Variants in ACAA2 observed in about 807,000 individuals in gnomAD.
ACAA2 encodes the protein acetyl-CoA acyltransferase 2.
In ACAA2, 35 loss-of-function variants were observed where a neutral mutation model predicts 44.8. The observed-to-expected ratio is 0.78, with a 90% confidence interval of 0.60 to 1.04. The LOEUF (loss-of-function observed/expected upper bound fraction) is 1.04, where lower values mean the gene tolerates loss of function less well. Ranked by LOEUF, ACAA2 falls within the 50% of genes least tolerant of loss-of-function variation. The pLI is 0.00. For synonymous variants in ACAA2, 142 were observed against 166.5 expected (o/e 0.85, Z 1.13); for missense variants, 468 against 482.6 (o/e 0.97, Z 0.28).
At chr18:49,800,890 TAAAAAAAAAAA>T (rs5824805) in intron 2 of ACAA2, among the ~76,000 whole-genome samples, 2 of 121,126 alleles carry the variant, frequency 1.7e-5, no homozygotes, top group African/African-American at 3.1e-5. Flanking sequence ...GAATGATCAA[TAAAAAAAAAAA>T]AAAAAAAATC....
intron 1 of ACAA2, among the ~76,000 whole-genome samples, chr18:49,809,655 A>G (rs2023647461): frequency 6.6e-6 from 1 of 152,276 alleles, no homozygotes; most frequent in Non-Finnish European, 1.5e-5. Context: ...TTCCAACTAC[A>G]TGATATCTGG....
Position 49,797,502 on chromosome 18 carries a change from A to G in ACAA2, c.276T>C (p.Cys92=), listed in dbSNP as rs755433635. The change falls in exon 3 of 10, where the codon TGT becomes TGC. Residue 92 remains cysteine, a synonymous_variant. Coordinates refer to ENST00000285093, the MANE Select transcript of ACAA2 (RefSeq NM_006111.3). The stretch of plus-strand genomic sequence containing the variant: ...TCACAATGGACTGAAAACCAGAACC[A>G]CAGAGCCTATTAATCGTGAGAGCTG... ...ETPALTINRL[C]GSGFQSIVNG... 1.2e-6 allele frequency: 2 copies of G among 1,611,918 alleles called. No homozygotes were observed. The highest frequency in any genetic ancestry group is 2.2e-5 in the South Asian group (2 of 90,948).
In ACAA2 at chr18:49,783,669, T is replaced by C. The variant is rs2143941337; in HGVS notation, c.*178A>G. 1 of 560,496 alleles carries C rather than the reference T, an allele frequency of 1.8e-6. No homozygotes were observed. The highest frequency in any genetic ancestry group is 3.3e-6 in the Non-Finnish European group (1 of 304,638). 34.7% of individuals were successfully genotyped at this position (560,496 alleles called of 1,614,324 possible). ...GTTCAAATCTGAGAGAATGTACTTC[T>C]AGCATGGGCTCCTATTCATGATCAA... On this transcript the variant is annotated 3_prime_UTR_variant, in exon 10 of 10. Coordinates refer to ENST00000285093, the MANE Select transcript of ACAA2 (RefSeq NM_006111.3).
intron 1 of ACAA2, among the ~76,000 whole-genome samples, chr18:49,807,295 T>C (rs2023619343): frequency 6.6e-6 from 1 of 152,156 alleles, no homozygotes. Context: ...TTCAGGAGGC[T>C]GAGTTCAAGG....
intron 1 of ACAA2, among the ~76,000 whole-genome samples, chr18:49,810,491 T>C (rs1051136133): frequency 3.3e-5 from 5 of 151,990 alleles, no homozygotes; most frequent in Admixed American, 2.0e-4. Context: ...GTGCTAGTAG[T>C]GAAATATGCA....
chr18:49,813,518 T>A lies in ACAA2; in HGVS notation c.-34A>T. 8.1e-7 allele frequency: 1 copy of A among 1,238,374 alleles called. No individual in the cohort carries two copies. The highest frequency in any genetic ancestry group is 4.2e-5 in the Admixed American group (1 of 23,708). The allele number at this position is 1,238,374 out of a possible 1,614,324, so 76.7% of individuals were successfully genotyped here. ...CTGGGTCGTCGGCGGCGCGGGTCTG[T>A]GGTGTGGGGGACGCTGAGCGGCCGC... On this transcript the variant is annotated 5_prime_UTR_variant, in exon 1 of 10. Coordinates refer to ENST00000285093, the MANE Select transcript of ACAA2 (RefSeq NM_006111.3).
At chr18:49,792,402 T>C in intron 5 of ACAA2, 75 bp from the exon 6 acceptor site, 1 of 1,290,534 alleles carries the variant, frequency 7.7e-7, no homozygotes, top group Non-Finnish European at 1.1e-6. Flanking sequence ...ATTATTCAAT[T>C]TAATTTCTGA....
At chr18:49,801,693 A>C (rs1348935229) in intron 2 of ACAA2, among the ~76,000 whole-genome samples, 1 of 150,848 alleles carries the variant, frequency 6.6e-6, no homozygotes, top group Non-Finnish European at 1.5e-5. Context: ...TTCCTTTAGC[A>C]ATGATCACAT....
chr18:49,813,205 G>A (rs2023691545), intron 1 of ACAA2, among the ~76,000 whole-genome samples: 2 of 152,244 alleles, frequency 1.3e-5, no homozygotes, highest in Admixed American at 1.3e-4. Context: ...TGACCTCCAA[G>A]GTCACATGCA....
At chr18:49,806,435 T>C (rs1443723452) in intron 1 of ACAA2, among the ~76,000 whole-genome samples, 1 of 152,180 alleles carries the variant, frequency 6.6e-6, no homozygotes, top group Non-Finnish European at 1.5e-5. Context: ...TGCTGCCCAC[T>C]ACAAGGGGAG....
At chr18:49,787,270 A>AAAAG (rs767314700) in intron 8 of ACAA2, 21 bp downstream of exon 8, 1 of 1,427,578 alleles carries the variant, frequency 7.0e-7, no homozygotes, top group Admixed American at 3.4e-5. Flanking sequence ...TAAAAAAAAA[A>AAAAG]AAAAAAAAAA....
At chr18:49,789,844 C>T (rs762144348) in intron 7 of ACAA2, among the ~76,000 whole-genome samples, 3 of 151,958 alleles carry the variant, frequency 2.0e-5, no homozygotes, top group Non-Finnish European at 2.9e-5. Context: ...ATTAGCCAGG[C>T]GTGGGGGCGG....
chr18:49,802,611 G>T, intron 2 of ACAA2, 76 bp downstream of exon 2: 2 of 1,271,918 alleles, frequency 1.6e-6, no homozygotes, highest in Non-Finnish European at 2.2e-6. Flanking sequence ...TTACCATTAT[G>T]ATATGTTAAA....
intron 5 of ACAA2, among the ~76,000 whole-genome samples, chr18:49,792,895 T>A (rs962909624): frequency 6.6e-6 from 1 of 152,222 alleles, no homozygotes; most frequent in Non-Finnish European, 1.5e-5. Context: ...TATTGGAGGA[T>A]TTACGATACT....
rs115610032 is a variant in ACAA2 at position 49,797,233 on chromosome 18, C to A, written c.312+233G>T. ...ACATACAGTATTTGTCCTTTTATGA[C>A]AGGCTTATTCCACTTTCAGGTTCAT... On this transcript the variant is annotated intron_variant, in intron 3 of 9. Coordinates refer to ENST00000285093, the MANE Select transcript of ACAA2 (RefSeq NM_006111.3). Among the ~76,000 whole-genome samples the A allele has an allele frequency of 8.5e-3, 1,285 of 151,344 alleles. 37 individuals are homozygous for A. In the South Asian group the frequency reaches 0.12, roughly 14 times the overall value.
chr18:49,792,573 T>G (rs1233010338), intron 5 of ACAA2, among the ~76,000 whole-genome samples: 2 of 152,232 alleles, frequency 1.3e-5, no homozygotes, highest in African/African-American at 4.8e-5. Flanking sequence ...GCCTCCCCAG[T>G]AGCTGGGATT....
intron 1 of ACAA2, chr18:49,811,355 T>C (rs1000696113): frequency 3.9e-5 from 6 of 152,272 alleles, no homozygotes; most frequent in East Asian, 1.9e-4. Flanking sequence ...GGCATCCAGT[T>C]GTTTCAAGAT....
intron 2 of ACAA2, 123 bp from the exon 3 acceptor site, chr18:49,797,717 G>C: frequency 1.5e-6 from 1 of 680,834 alleles, no homozygotes; most frequent in Non-Finnish European, 2.3e-6. Context: ...CTCTAAGGTA[G>C]GACAAAATGC....
chr18:49,796,218 G>T (rs1358049351), intron 3 of ACAA2, among the ~76,000 whole-genome samples: 2 of 152,032 alleles, frequency 1.3e-5, no homozygotes, highest in Non-Finnish European at 2.9e-5. Flanking sequence ...GATAATAAAG[G>T]ACATACCCTT....
Sources: allele counts gnomAD v4.1 joint callset (sites outside exome capture counted in the v4.1 genomes callset), GRCh38; gene constraint gnomAD v4.1.1; transcripts MANE v1.5; gene names NCBI Gene and HGNC (gene_info 2026-07-23, HGNC 2026-07-21).